MYT1: variants seen among roughly 807,000 people sequenced by gnomAD.
MYT1 encodes myelin transcription factor 1.
Under a neutral mutation model 123.0 loss-of-function variants are expected in MYT1, and 23 were observed. The ratio of observed to expected loss-of-function variants is 0.19; its 90% confidence interval spans 0.13 to 0.26. The LOEUF (loss-of-function observed/expected upper bound fraction) is 0.26. Ranked by LOEUF, MYT1 falls within the 10% of genes least tolerant of loss-of-function variation. The pLI, the probability that MYT1 is intolerant of heterozygous loss-of-function variation, is 1.00. For missense variants in MYT1, 1,125 were observed against 1,472.5 expected, an observed-to-expected ratio of 0.76 and a Z score of 3.86; for synonymous variants, 518 against 575.3, an observed-to-expected ratio of 0.90 and a Z score of 1.43.
At chr20:64,170,818 T>C (rs351891) in intron 1 of MYT1, among the ~76,000 whole-genome samples, 122,032 of 130,340 alleles carry the variant, frequency 0.94, 57,233 homozygotes, top group East Asian at 1. Flanking sequence ...GCATTCATTC[T>C]CTCCCCATGA....
rs934621273 is a variant in MYT1, at chr20:64,239,620, C to T, written c.3094-140C>T. On this transcript the variant is annotated intron_variant, in intron 21 of 22. Coordinates refer to ENST00000328439, the MANE Select transcript of MYT1 (RefSeq NM_004535.3). ...CCCTCACCTGTGGCAGAACCCCCTA[C>T]AGGAAGGCAGGGTCCCTGCCTCTTC... The T allele has an allele frequency of 1.1e-5, 13 of 1,223,224 alleles. No homozygotes were observed. In the South Asian group the frequency reaches 1.9e-4, roughly 18 times the overall value. 75.8% of individuals were successfully genotyped at this position (1,223,224 alleles called of 1,614,324 possible).
chr20:64,213,731 G>A lies in MYT1; in HGVS notation c.1631+84G>A, dbSNP rs1348861473. 6 of 1,110,684 alleles carry A rather than the reference G, an allele frequency of 5.4e-6. No homozygotes were observed. The highest frequency in any genetic ancestry group is 6.7e-6 in the Non-Finnish European group (5 of 741,048). The allele number at this position is 1,110,684 out of a possible 1,614,324, so 68.8% of individuals were successfully genotyped here. ...TCTCAGTCTCCCGCAGGCTGTATGT[G>A]CATGTGTGTGAGTGCATGTGTGTGA... On this transcript the variant is annotated intron_variant, in intron 10 of 22. Transcript: ENST00000328439. This position sits in a 1 kb window ranked among gnomAD's most constrained non-coding sequence, Gnocchi z 5.6.
chr20:64,237,214 G>A (rs780824796), intron 20 of MYT1, 73 bp from the exon 21 acceptor site: 22 of 1,274,046 alleles, frequency 1.7e-5, no homozygotes, highest in Non-Finnish European at 2.1e-5. Flanking sequence ...CTAGAAAGCA[G>A]GCTTCCCCAC....
rs2145699450 is a variant in MYT1, at chr20:64,185,022, A to G, written c.-98-5041A>G. Among the ~76,000 whole-genome samples, 1 of 152,264 alleles carries G rather than the reference A, an allele frequency of 6.6e-6. No homozygotes were observed. The highest frequency in any genetic ancestry group is 2.1e-4 in the South Asian group (1 of 4,822). ...TGAACATGAAGCCGCCTGTTGTTCC[A>G]GTAGAGGGATGTGGGTGGAGGCCAA... On this transcript the variant is annotated intron_variant, in intron 1 of 22. Coordinates refer to ENST00000328439, the MANE Select transcript of MYT1 (RefSeq NM_004535.3). This position sits in a 1 kb window ranked among gnomAD's most constrained non-coding sequence, Gnocchi z 4.5.
rs370578944 is a variant in MYT1, at chr20:64,232,583, G to A, written c.2897+198G>A. Reference sequence around the variant, plus strand: ...GGTGCCAGGTGATGCTGTGGGTTATGTCTTCGCCATGCGTCTCCCCTCATA... The same window carrying A: ...GGTGCCAGGTGATGCTGTGGGTTATATCTTCGCCATGCGTCTCCCCTCATA... On this transcript the variant is annotated intron_variant, in intron 19 of 22. Coordinates refer to ENST00000328439, the MANE Select transcript of MYT1 (RefSeq NM_004535.3). The surrounding 1 kb of genome is among the most constrained non-coding windows in gnomAD (Gnocchi z 6.9). Among the ~76,000 whole-genome samples the A allele has an allele frequency of 1.8e-3, 269 of 152,258 alleles. 10 individuals carry two copies. The South Asian group carries it at 0.053, about 30-fold the overall frequency.
chr20:64,205,523 T>G (rs369230437), intron 5 of MYT1, 30 bp from the exon 6 acceptor site: 3 of 1,610,764 alleles, frequency 1.9e-6, no homozygotes, highest in Non-Finnish European at 2.5e-6. Context: ...CCTAGCCTGG[T>G]CCTCTCCACT....
chr20:64,217,064 C>T lies in MYT1; in HGVS notation c.1632-3C>T, dbSNP rs778683449. On this transcript the variant is annotated splice_polypyrimidine_tract_variant and splice_region_variant and intron_variant, in intron 10 of 22. Transcript: ENST00000328439. ...GGCTGTGCATCCCTGTACTGCACCC[C>T]AGGCCCATGTGCTTCGTGAAGCAGC... 2 of 1,612,794 alleles carry T rather than the reference C, an allele frequency of 1.2e-6. No individual in the cohort carries two copies. Among genetic ancestry groups the T allele is most frequent in the East Asian group, 2.2e-5 (1 of 44,868 alleles).
chr20:64,197,367 C>T (rs372965156), intron 2 of MYT1, among the ~76,000 whole-genome samples: 1 of 152,210 alleles, frequency 6.6e-6, no homozygotes, highest in African/African-American at 2.4e-5. Context: ...CTTTTTCTGG[C>T]TTTCAGGAGC....
At chr20:64,221,701 C>A (rs1350948953) in intron 13 of MYT1, among the ~76,000 whole-genome samples, 192 bp from the exon 14 acceptor site, 1 of 152,142 alleles carries the variant, frequency 6.6e-6, no homozygotes, top group Non-Finnish European at 1.5e-5. Context: ...AGGGATCCAG[C>A]CCCTCAGGGG....
rs1235202691 is a variant in MYT1 at position 64,240,192 on chromosome 20, G to C, written c.3238-128G>C. ...ATGGCTGCAGAGAGGAACGCCCAGT[G>C]CTGCCTCTGGTTGGTGTGGGCTTGT... On this transcript the variant is annotated intron_variant, in intron 22 of 22. Coordinates refer to ENST00000328439, the MANE Select transcript of MYT1 (RefSeq NM_004535.3). The C allele has an allele frequency of 2.2e-6, 3 of 1,340,422 alleles. No individual in the cohort carries two copies. In the African/African-American group the frequency reaches 4.4e-5, roughly 19 times the overall value. 83.0% of individuals were successfully genotyped at this position (1,340,422 alleles called of 1,614,324 possible).
Position 64,241,339 on chromosome 20 carries a change from A to G in MYT1, c.*891A>G, listed in dbSNP as rs1984712221. The G allele has an allele frequency of 6.6e-6, 1 of 152,366 alleles. No individual in the cohort carries two copies. The highest frequency in any genetic ancestry group is 1.5e-5 in the Non-Finnish European group (1 of 68,038). The allele number at this position is 152,366 out of a possible 1,614,324, so 9.4% of individuals were successfully genotyped here. On this transcript the variant is annotated 3_prime_UTR_variant, in exon 23 of 23. Transcript: ENST00000328439. The surrounding 1 kb of genome is among the most constrained non-coding windows in gnomAD (Gnocchi z 4.2). ...ATCAAGGTCAGAGGGTAAATTCCTA[A>G]CAGGAGACCACAAAGGTTTCACTTC...
chr20:64,173,415 G>A (rs1232844426), intron 1 of MYT1, among the ~76,000 whole-genome samples: 1 of 152,068 alleles, frequency 6.6e-6, no homozygotes, highest in East Asian at 1.9e-4. Flanking sequence ...AGGGGAGCAG[G>A]AGGGAGCCCA....
chr20:64,192,421 G>T lies in MYT1; in HGVS notation c.-1+2261G>T, dbSNP rs1327986952. ...AGAGGGCATAAGCCGTGGTCACAGT[G>T]TGAGAATGTCACACAGCCACAGCAG... On this transcript the variant is annotated intron_variant, in intron 2 of 22. Transcript: ENST00000328439. This position sits in a 1 kb window ranked among gnomAD's most constrained non-coding sequence, Gnocchi z 5.3. Among the ~76,000 whole-genome samples, 1 of 152,222 alleles carries T rather than the reference G, an allele frequency of 6.6e-6. No homozygotes were observed. Among genetic ancestry groups the T allele is most frequent in the Non-Finnish European group, 1.5e-5 (1 of 68,036 alleles).
chr20:64,240,230 G>T (rs1401727085), intron 22 of MYT1, 90 bp from the exon 23 acceptor site: 2 of 1,546,182 alleles, frequency 1.3e-6, no homozygotes, highest in Non-Finnish European at 1.7e-6. Flanking sequence ...CAGGTCACGT[G>T]GGGACATAGG....
At chr20:64,178,558 CCG>C (rs1287083807) in intron 1 of MYT1, among the ~76,000 whole-genome samples, 6 of 151,664 alleles carry the variant, frequency 4.0e-5, no homozygotes, top group South Asian at 2.1e-4. Flanking sequence ...GAGCACTGAG[CCG>C]TTATTCGGTG....
chr20:64,205,128 C>A, intron 5 of MYT1, 31 bp downstream of exon 5: 1 of 1,611,670 alleles, frequency 6.2e-7, no homozygotes, highest in Non-Finnish European at 8.5e-7. Flanking sequence ...CACGGAGATT[C>A]CTGGGCGGTA....
chr20:64,182,184 G>A (rs1313180274), intron 1 of MYT1, among the ~76,000 whole-genome samples: 3 of 152,034 alleles, frequency 2.0e-5, no homozygotes, highest in African/African-American at 4.8e-5. Context: ...TTTTCCTTTC[G>A]AATGGCAAGA....
intron 4 of MYT1, 137 bp downstream of exon 4, chr20:64,200,059 C>A (rs1377736088): frequency 6.9e-6 from 7 of 1,008,924 alleles, no homozygotes; most frequent in South Asian, 1.3e-5. Context: ...AAGGAGACTG[C>A]CTTTCTCCTG....
rs776601464 is a variant in MYT1, at chr20:64,192,605, G to A, written c.-1+2445G>A. ...CCAGGCATGTGGACAGCTCAGGACC[G>A]GTTGGAAGGGGCTGCCAGAAGTCAG... is the stretch of plus-strand genomic sequence containing the variant. On this transcript the variant is annotated intron_variant, in intron 2 of 22. Coordinates refer to ENST00000328439, the MANE Select transcript of MYT1 (RefSeq NM_004535.3). The surrounding 1 kb of genome is among the most constrained non-coding windows in gnomAD (Gnocchi z 5.3). 3.9e-5 allele frequency among the ~76,000 whole-genome samples: 6 copies of A among 152,238 alleles called. No homozygotes were observed. Among genetic ancestry groups the A allele is most frequent in the African/African-American group, 7.2e-5 (3 of 41,460 alleles).
Sources: gnomAD v4.1 joint callset for allele counts (sites outside exome capture counted in the v4.1 genomes callset) on GRCh38, gnomAD v4.1.1 for gene constraint, Gnocchi (gnomAD v3.1) non-coding constraint, MANE v1.5 for transcripts, NCBI Gene and HGNC (gene_info 2026-07-23, HGNC 2026-07-21) for gene names.